The following ZNF23 variants were observed in gnomAD, a reference collection of about 807,000 sequenced individuals.
ZNF23 encodes the protein kruppel-like zinc finger factor X31.
ZNF23 carries 48 observed loss-of-function variants against 56.2 expected under a neutral mutation model. The ratio of observed to expected loss-of-function variants is 0.85; its 90% CI spans 0.68 to 1.09. ZNF23 has a LOEUF of 1.09. Among genes scored for constraint, ZNF23 ranks in the 50% least tolerant of loss-of-function variants. The pLI is 0.00. For missense variants in ZNF23, 805 were observed against 811.4 expected (o/e 0.99, Z 0.10); for synonymous variants, 266 against 283.3 (o/e 0.94, Z 0.61).
chr16:71,449,416 T>C lies in ZNF23; in HGVS notation c.738A>G (p.Lys246=). 6.2e-7 allele frequency: 1 copy of C among 1,614,260 alleles called. No individual in the cohort carries two copies. The highest frequency in any genetic ancestry group is 1.7e-5 in the Admixed American group (1 of 60,032). ...TTAATTTCTCATTAATGCTGAAAGC[T>C]TTGCCACACTCCGAACACTGATAAG... ...EKPYQCSECG[K]AFSINEKLIW... The change falls in exon 5 of 5, where the codon AAA becomes AAG. Residue 246 remains lysine, a synonymous_variant. Coordinates refer to ENST00000647773, the MANE Select transcript of ZNF23 (RefSeq NM_001381984.1).
rs1702080886 is a variant in ZNF23 at position 71,448,960 on chromosome 16, C to G, written c.1194G>C (p.Gln398His). ...AGGGCTTTTCTCCTGTGTGGATGCT[C>G]TGATGCTGCCTAAGCTGGGAGCTGC... Reference protein sequence around the residue: ...FRCSSQLRQHQSIHTGEKPYQ... With the variant: ...FRCSSQLRQHHSIHTGEKPYQ... Residue 398 changes from glutamine to histidine, a missense_variant, in exon 5 of 5, where the codon CAG (glutamine) becomes CAC (histidine). Gln to His is a conservative substitution (Grantham distance 24). Coordinates refer to ENST00000647773, the MANE Select transcript of ZNF23 (RefSeq NM_001381984.1). The G allele has an allele frequency of 6.2e-7, 1 of 1,614,228 alleles. No individual in the cohort carries two copies. The highest frequency in any genetic ancestry group is 8.5e-7 in the Non-Finnish European group (1 of 1,180,044).
intron 3 of ZNF23, 124 bp downstream of exon 3, chr16:71,453,918 G>A (rs2043136722): frequency 8.4e-7 from 1 of 1,187,110 alleles, no homozygotes; most frequent in Admixed American, 1.9e-5. Context: ...TCTAGATTAG[G>A]AACAGCTCTG....
At chr16:71,454,919 C>T (rs113567616) in intron 2 of ZNF23, among the ~76,000 whole-genome samples, 6 of 152,314 alleles carry the variant, frequency 3.9e-5, no homozygotes, top group African/African-American at 1.2e-4. Flanking sequence ...CACTCAGGGA[C>T]GCTTCGTGTC....
chr16:71,448,326 T>C lies in ZNF23; in HGVS notation c.1828A>G (p.Lys610Glu). ...EKPFQCKECG[K>E]AFHVNAHLIR... ...AAATGGGCATTAACATGGAAGGCTT[T>C]TCCACACTCCTTACACTGAAAGGGT... Residue 610 changes from lysine (K) to glutamate (E), a missense_variant, in exon 5 of 5, where the codon AAA (lysine) becomes GAA (glutamate). Coordinates refer to ENST00000647773, the MANE Select transcript of ZNF23 (RefSeq NM_001381984.1). 6.2e-7 allele frequency: 1 copy of C among 1,614,126 alleles called. No homozygotes were observed. The highest frequency in any genetic ancestry group is 8.5e-7 in the Non-Finnish European group (1 of 1,180,012).
intron 1 of ZNF23, among the ~76,000 whole-genome samples, chr16:71,459,442 CCT>C (rs936201048): frequency 3.3e-5 from 5 of 152,226 alleles, no homozygotes; most frequent in African/African-American, 1.2e-4. Flanking sequence ...TCACTCTGCC[CCT>C]GTGACCATAT....
intron 2 of ZNF23, among the ~76,000 whole-genome samples, chr16:71,455,237 C>T (rs1034085928): frequency 6.6e-6 from 1 of 152,140 alleles, no homozygotes; most frequent in Non-Finnish European, 1.5e-5. Context: ...TCCTTCTGAA[C>T]TTACACTTCA....
In ZNF23 at chr16:71,453,337, G is replaced by C. The variant is rs775634525; in HGVS notation, c.174C>G (p.Leu58=). The C allele has an allele frequency of 1.3e-6, 2 of 1,598,610 alleles. No individual in the cohort carries two copies. The highest frequency in any genetic ancestry group is 1.7e-5 in the Admixed American group (1 of 58,116). ...GNVASLGFPL[L]KPAVISQLEG... The stretch of plus-strand genomic sequence containing the variant: ...CCAGTTGTGAGATCACAGCAGGTTT[G>C]AGAAGTGGAAATCCTGGTTTGGGAG... Residue 58 remains leucine (L), a synonymous_variant, in exon 4 of 5, where the codon CTC becomes CTG. Coordinates refer to ENST00000647773, the MANE Select transcript of ZNF23 (RefSeq NM_001381984.1).
chr16:71,453,598 T>A (rs966020391), intron 3 of ZNF23: 1 of 499,828 alleles, frequency 2.0e-6, no homozygotes, highest in African/African-American at 1.9e-5. Flanking sequence ...TGGGAGAGCC[T>A]GGTTAGGGCC....
At position 71,449,431 on chromosome 16, in the gene ZNF23, A is replaced by G; in HGVS notation, c.723T>C (p.Cys241=). 1 of 1,614,234 alleles carries G rather than the reference A, an allele frequency of 6.2e-7. No homozygotes were observed. The highest frequency in any genetic ancestry group is 2.2e-5 in the East Asian group (1 of 44,890). The change falls in exon 5 of 5, where the codon TGT becomes TGC. Residue 241 remains cysteine (C), a synonymous_variant. Coordinates refer to ENST00000647773, the MANE Select transcript of ZNF23 (RefSeq NM_001381984.1). ...ENNTEEKPYQ[C]SECGKAFSIN... is the part of the protein sequence containing the mutation. Reference sequence around the variant, plus strand: ...TGCTGAAAGCTTTGCCACACTCCGAACACTGATAAGGCTTTTCCTCAGTGT... The same window carrying G: ...TGCTGAAAGCTTTGCCACACTCCGAGCACTGATAAGGCTTTTCCTCAGTGT...
At chr16:71,453,433 G>A in intron 3 of ZNF23, 83 bp from the exon 4 acceptor site, 2 of 1,068,952 alleles carry the variant, frequency 1.9e-6, no homozygotes, top group Non-Finnish European at 2.8e-6. Flanking sequence ...GACTGTCTCA[G>A]CAATGGGGAG....
At position 71,448,585 on chromosome 16, in the gene ZNF23, C is replaced by T; in HGVS notation, c.1569G>A (p.Glu523=). ...HTGEKPFECN[E]CGRCFTSKRN... is the part of the protein sequence containing the mutation. ...TTTTAGAAGTAAAGCATCTCCCACA[C>T]TCATTACATTCAAAAGGTTTCTCCC... Residue 523 remains glutamate (E), a synonymous_variant, in exon 5 of 5, where the codon GAG becomes GAA. Transcript: ENST00000647773. 1 of 1,613,136 alleles carries T rather than the reference C, an allele frequency of 6.2e-7. No homozygotes were observed. The highest frequency in any genetic ancestry group is 8.5e-7 in the Non-Finnish European group (1 of 1,179,762).
In ZNF23 at chr16:71,448,714, C is replaced by T. The variant is rs989711447; in HGVS notation, c.1440G>A (p.Gln480=). 3.1e-6 allele frequency: 5 copies of T among 1,613,958 alleles called. No homozygotes were observed. In the Admixed American group the frequency reaches 6.7e-5, roughly 22 times the overall value. The change falls in exon 5 of 5, where the codon CAG becomes CAA. Residue 480 remains glutamine (Q), a synonymous_variant. Coordinates refer to ENST00000647773, the MANE Select transcript of ZNF23 (RefSeq NM_001381984.1). ...TCTCCCCAGTGTGAATTCTCAGATGCTGCCGAAATTGGGAGTTACATCTGA... is the reference window on the plus strand; with the variant it reads ...TCTCCCCAGTGTGAATTCTCAGATGTTGCCGAAATTGGGAGTTACATCTGA... ...KAFRCNSQFR[Q]HLRIHTGEKP... is the part of the protein sequence containing the mutation.
chr16:71,450,790 C>T lies in ZNF23; in HGVS notation c.269-905G>A, dbSNP rs142270878. On this transcript the variant is annotated intron_variant, in intron 4 of 4. Coordinates refer to ENST00000647773, the MANE Select transcript of ZNF23 (RefSeq NM_001381984.1). ...TCCACCAGCTCAGCATTCTTTTAAT[C>T]ACACCATGCTTTTCTACACCCTGCA... The T allele has an allele frequency of 8.9e-5, 34 of 380,350 alleles. No homozygotes were observed. In the East Asian group the frequency reaches 2.1e-3, roughly 24 times the overall value. 23.6% of individuals were successfully genotyped at this position (380,350 alleles called of 1,614,324 possible).
At chr16:71,452,124 A>G (rs1284040300) in intron 4 of ZNF23, 1 of 152,216 alleles carries the variant, frequency 6.6e-6, no homozygotes, top group Non-Finnish European at 1.5e-5. Flanking sequence ...TGGAAAAGTC[A>G]AAGACTTCAG....
intron 2 of ZNF23, 121 bp downstream of exon 2, chr16:71,456,642 TC>T (rs973285526): frequency 1.0e-6 from 1 of 964,726 alleles, no homozygotes; most frequent in African/African-American, 1.8e-5. Flanking sequence ...AACACCTCTT[TC>T]CCACAAGTTC....
rs76530144 is a variant in ZNF23, at chr16:71,449,442, G to T, written c.712C>A (p.Pro238Thr). 358 of 1,614,182 alleles carry T rather than the reference G, an allele frequency of 2.2e-4. No individual in the cohort carries two copies. The East Asian group carries it at 7.3e-3, about 33-fold the overall frequency. The change falls in exon 5 of 5, where the codon CCT becomes ACT. Residue 238 changes from proline (P) to threonine (T), a missense_variant. Transcript: ENST00000647773. ...QHQENNTEEK[P>T]YQCSECGKAF... ...TTGCCACACTCCGAACACTGATAAG[G>T]CTTTTCCTCAGTGTTGTTCTCTTGA...
intron 2 of ZNF23, chr16:71,456,124 G>A (rs1163801525): frequency 4.5e-6 from 2 of 447,324 alleles, no homozygotes; most frequent in South Asian, 1.6e-5. Flanking sequence ...TGAAGTCCCT[G>A]AAAATGTATG....
intron 2 of ZNF23, 89 bp from the exon 3 acceptor site, chr16:71,454,257 G>C (rs570807068): frequency 6.8e-7 from 1 of 1,469,162 alleles, no homozygotes; most frequent in Admixed American, 2.5e-5. Context: ...GGCTTGGGGA[G>C]GGTGCTTGTG....
chr16:71,448,503 C>T lies in ZNF23; in HGVS notation c.1651G>A (p.Glu551Lys), dbSNP rs1340683008. The T allele has an allele frequency of 1.2e-6, 2 of 1,614,110 alleles. No individual in the cohort carries two copies. Among genetic ancestry groups the T allele is most frequent in the Non-Finnish European group, 1.7e-6 (2 of 1,180,048 alleles). ...TTGATACTGAAGGCTTTCCCACATT[C>T]CTTACATTGATAGGGCTTTTCTCCA... The part of the protein sequence containing the change: ...HTGEKPYQCK[E>K]CGKAFSINAK... The change falls in exon 5 of 5, where the codon GAA becomes AAA. Residue 551 changes from glutamate to lysine, a missense_variant. Physicochemically the swap from Glu to Lys is moderately conservative, Grantham distance 56 (BLOSUM62 1). Transcript: ENST00000647773.
Sources: allele counts gnomAD v4.1 joint callset (sites outside exome capture counted in the v4.1 genomes callset), GRCh38; gene constraint gnomAD v4.1.1; transcripts MANE v1.5; gene names NCBI Gene and HGNC (gene_info 2026-07-23, HGNC 2026-07-21).